The following TNS3 variants were observed in gnomAD, a reference collection of about 807,000 sequenced individuals.
TNS3 encodes the protein tensin 3, also known as tensin-3.
In TNS3, 45 loss-of-function variants were observed where a neutral mutation model predicts 140.9. The observed-to-expected ratio is 0.32, with a 90% CI of 0.25 to 0.41. TNS3 has a LOEUF of 0.41. TNS3 is among the 10% of genes least tolerant of loss of function. TNS3 has a pLI of 1.00. For missense variants in TNS3, 1,716 were observed against 1,906.7 expected, an observed-to-expected ratio of 0.90 and a Z score of 1.86; for synonymous variants, 815 against 788.4, an observed-to-expected ratio of 1.03 and a Z score of -0.56.
At chr7:47,486,543 C>T (rs997547566) in intron 3 of TNS3, among the ~76,000 whole-genome samples, 1 of 152,164 alleles carries the variant, frequency 6.6e-6, no homozygotes, top group Admixed American at 6.5e-5. Context: ...TGCACTGGCC[C>T]GGCCACCATT....
intron 16 of TNS3, among the ~76,000 whole-genome samples, chr7:47,370,757 G>C (rs1791020622): frequency 6.6e-6 from 1 of 152,216 alleles, no homozygotes; most frequent in East Asian, 1.9e-4. Context: ...GGAGCTGCTG[G>C]TGGTGGGAAG....
rs1792265678 is a variant in TNS3, at chr7:47,389,013, AAGAAGAAGAAGAAGAAGAAG to A, written c.1024+7767_1024+7786del. On this transcript the variant is annotated intron_variant, in intron 16 of 30. Transcript: ENST00000311160. ...AAGAAGAAGAAGAAGGAAGAAGAAGAAGAAGAAGAAGAAGAAGAAGAAGAAGAAGAAGAAGAAGAAGAAGA... is the reference window on the plus strand; with the variant it reads ...AAGAAGAAGAAGAAGGAAGAAGAAGAAAGAAGAAGAAGAAGAAGAAGAAGA... Among the ~76,000 whole-genome samples the A allele has an allele frequency of 7.2e-4, 2 of 2,772 alleles. 1 individual carries two copies. Among genetic ancestry groups the A allele is most frequent in the Non-Finnish European group, 1.9e-3 (2 of 1,076 alleles). 1.8% of individuals were successfully genotyped at this position (2,772 alleles called of 152,430 possible).
rs141289471 is a variant in TNS3 at position 47,291,757 on chromosome 7, C to A, written c.3928+198G>T. On this transcript the variant is annotated intron_variant, in intron 27 of 30. Coordinates refer to ENST00000311160, the MANE Select transcript of TNS3 (RefSeq NM_022748.12). ...TGAATTTAGTCTTGCTTGAGTTAGA[C>A]CGGCCCATGAAGGCCTTGCTGATGT... is the stretch of plus-strand genomic sequence containing the variant. Among the ~76,000 whole-genome samples the A allele has an allele frequency of 6.6e-3, 1,001 of 152,340 alleles. 2 individuals carry two copies. The highest frequency in any genetic ancestry group is 0.01 in the Non-Finnish European group (695 of 68,032).
chr7:47,393,883 C>T (rs1792674437), intron 16 of TNS3, among the ~76,000 whole-genome samples: 2 of 152,196 alleles, frequency 1.3e-5, no homozygotes, highest in South Asian at 4.2e-4. Context: ...AACTCCTATG[C>T]ACCCACTCCC....
upstream of TNS3, chr7:47,582,147 C>T (rs1293886905): frequency 6.6e-6 from 1 of 151,066 alleles, no homozygotes; most frequent in Non-Finnish European, 1.5e-5. Flanking sequence ...GGCTGGCTGC[C>T]GGCGCCCGCG....
At chr7:47,297,974 G>A (rs1786148748) in intron 23 of TNS3, among the ~76,000 whole-genome samples, 1 of 151,886 alleles carries the variant, frequency 6.6e-6, no homozygotes. Context: ...TTTTAGTAGA[G>A]ATGGGGTTTC....
At chr7:47,324,702 A>C (rs982355315) in intron 20 of TNS3, among the ~76,000 whole-genome samples, 1 of 152,228 alleles carries the variant, frequency 6.6e-6, no homozygotes, top group Non-Finnish European at 1.5e-5. Context: ...CAGTGAGCCA[A>C]GATCATGCCA....
At chr7:47,573,958 G>C (rs942403894) in intron 1 of TNS3, among the ~76,000 whole-genome samples, 4 of 152,068 alleles carry the variant, frequency 2.6e-5, no homozygotes, top group African/African-American at 9.7e-5. Context: ...AGGCATTATG[G>C]GGAGGGCATT....
In TNS3 at chr7:47,424,302, C is replaced by G. The variant is rs11980848; in HGVS notation, c.390-118G>C. The G allele has an allele frequency of 1.8e-3, 1,584 of 880,988 alleles. 24 individuals are homozygous for G. In the African/African-American group the frequency reaches 0.024, roughly 13 times the overall value. The allele number at this position is 880,988 out of a possible 1,614,324, so 54.6% of individuals were successfully genotyped here. A position where few individuals can be genotyped will look rare whatever the true frequency, so the allele number is the denominator to read the frequency against. On this transcript the variant is annotated intron_variant, in intron 9 of 30. Transcript: ENST00000311160. ...CGACCAGCTCCCACAAGGGGCTTCA[C>G]CCTTTGCTGCACCTGTGCACACCCA... is the stretch of plus-strand genomic sequence containing the variant.
At chr7:47,492,069 T>C (rs1797834794) in intron 3 of TNS3, among the ~76,000 whole-genome samples, 1 of 152,258 alleles carries the variant, frequency 6.6e-6, no homozygotes, top group Admixed American at 6.5e-5. Context: ...CTGAAGAAGC[T>C]GTAGGGGCCT....
chr7:47,324,523 A>T (rs1222614457), intron 20 of TNS3, among the ~76,000 whole-genome samples: 1 of 152,182 alleles, frequency 6.6e-6, no homozygotes, highest in Non-Finnish European at 1.5e-5. Flanking sequence ...AGGCGGAGGC[A>T]GGCAGACCGC....
intron 1 of TNS3, among the ~76,000 whole-genome samples, chr7:47,580,595 T>G (rs1466611247): frequency 8.0e-6 from 1 of 125,152 alleles, no homozygotes; most frequent in Non-Finnish European, 1.6e-5. Flanking sequence ...ACCCTCCAGC[T>G]GCAGCGACTC....
chr7:47,368,333 C>T (rs759009786), intron 17 of TNS3, 32 bp downstream of exon 17: 4 of 1,450,572 alleles, frequency 2.8e-6, no homozygotes, highest in Non-Finnish European at 3.6e-6. Flanking sequence ...GAGCACCTCC[C>T]GTGGAGCACC....
At chr7:47,420,426 T>C (rs1343317705) in intron 10 of TNS3, among the ~76,000 whole-genome samples, 3 of 152,138 alleles carry the variant, frequency 2.0e-5, no homozygotes, top group Non-Finnish European at 2.9e-5. Flanking sequence ...CTTGGGCACG[T>C]GCATTAACAG....
intron 1 of TNS3, among the ~76,000 whole-genome samples, chr7:47,546,780 T>C (rs1477536754): frequency 6.6e-6 from 1 of 152,136 alleles, no homozygotes; most frequent in Non-Finnish European, 1.5e-5. Context: ...GACATGGGCT[T>C]GCGGCATACC....
intron 20 of TNS3, among the ~76,000 whole-genome samples, chr7:47,343,668 G>T (rs1789150667): frequency 6.6e-6 from 1 of 152,200 alleles, no homozygotes; most frequent in Admixed American, 6.5e-5. Flanking sequence ...GGCTACCTAT[G>T]TGTGAGTCCA....
At chr7:47,422,038 A>G (rs1250677489) in intron 10 of TNS3, among the ~76,000 whole-genome samples, 1 of 152,130 alleles carries the variant, frequency 6.6e-6, no homozygotes, top group African/African-American at 2.4e-5. Flanking sequence ...ATTCCCATAC[A>G]AGCTGTCCTC....
At chr7:47,509,556 G>C (rs1798535362) in intron 2 of TNS3, among the ~76,000 whole-genome samples, 1 of 152,156 alleles carries the variant, frequency 6.6e-6, no homozygotes, top group Admixed American at 6.5e-5. Context: ...GGTCCATGAA[G>C]GTGGGACTCC....
At chr7:47,480,577 T>A (rs998955963) in intron 4 of TNS3, among the ~76,000 whole-genome samples, 2 of 152,226 alleles carry the variant, frequency 1.3e-5, no homozygotes, top group Non-Finnish European at 2.9e-5. Context: ...AGGAGCTGCA[T>A]TTGAAAAGCA....
Sources: allele counts gnomAD v4.1 joint callset (sites outside exome capture counted in the v4.1 genomes callset), GRCh38; gene constraint gnomAD v4.1.1; transcripts MANE v1.5; gene names NCBI Gene and HGNC (gene_info 2026-07-23, HGNC 2026-07-21).